Variants in MMP2 observed in about 807,000 individuals in gnomAD.
MMP2 encodes the protein 72 kDa type IV collagenase.
Under a neutral mutation model 74.8 loss-of-function variants are expected in MMP2, and 39 were observed. The ratio of observed to expected loss-of-function variants is 0.52; its 90% CI spans 0.40 to 0.68. The LOEUF is 0.68. MMP2 is among the 30% of genes least tolerant of loss of function. MMP2 has a pLI of 0.00. For missense variants in MMP2, 803 were observed against 878.3 expected, an observed-to-expected ratio of 0.91 and a Z score of 1.08; for synonymous variants, 367 against 339.8, an observed-to-expected ratio of 1.08 and a Z score of -0.88.
chr16:55,499,795 G>T (rs146771053), intron 11 of MMP2, among the ~76,000 whole-genome samples: 1 of 152,160 alleles, frequency 6.6e-6, no homozygotes, highest in South Asian at 2.1e-4. Context: ...ATACCTGCCA[G>T]TCCATTTGAT....
In MMP2 at chr16:55,505,344, A is replaced by G; in HGVS notation, c.1885A>G (p.Ser629Gly). 1 of 1,613,842 alleles carries G rather than the reference A, an allele frequency of 6.2e-7. No homozygotes were observed. Among genetic ancestry groups the G allele is most frequent in the Non-Finnish European group, 8.5e-7 (1 of 1,179,744 alleles). ...CTCTTCTTTCTCTATCCCAGGTCAC[A>G]GCTACTTCTTCAAGGGTGCCTATTA... The part of the protein sequence containing the change: ...AVVDLQGGGH[S>G]YFFKGAYYLK... Residue 629 changes from serine to glycine, a missense_variant, in exon 13 of 13, where the codon AGC becomes GGC. Ser to Gly is a moderately conservative substitution (Grantham distance 56). This residue lies in a region of MMP2 where 555 missense variants were observed against 592.0 expected (regional missense o/e 0.94). Transcript: ENST00000219070.
At position 55,485,443 on chromosome 16, in the gene MMP2, T is replaced by C; in HGVS notation, c.658+16T>C. 1 of 1,614,026 alleles carries C rather than the reference T, an allele frequency of 6.2e-7. No individual in the cohort carries two copies. Among genetic ancestry groups the C allele is most frequent in the Non-Finnish European group, 8.5e-7 (1 of 1,179,976 alleles). ...GAAGGCCAAGGTGAGAAAGGGGCCCTCTGCATGCCCCAGACCTTCTCTCCT... is the reference window on the plus strand; with the variant it reads ...GAAGGCCAAGGTGAGAAAGGGGCCCCCTGCATGCCCCAGACCTTCTCTCCT... On this transcript the variant is annotated intron_variant, in intron 4 of 12. Transcript: ENST00000219070.
In MMP2 at chr16:55,482,855, G is replaced by A. The variant is rs1030868; in HGVS notation, c.154-54G>A. On this transcript the variant is annotated intron_variant, in intron 1 of 12. Coordinates refer to ENST00000219070, the MANE Select transcript of MMP2 (RefSeq NM_004530.6). ...TGATTGCTACAGCCTGCTTTGGTCA[G>A]TACTGTGCCATCCTAATGTGGCTAA... 534,670 of 1,486,456 alleles carry A rather than the reference G, an allele frequency of 0.36. 97,100 individuals carry two copies. Among genetic ancestry groups the A allele is most frequent in the Admixed American group, 0.44 (25,809 of 58,834 alleles). The allele number at this position is 1,486,456 out of a possible 1,614,324, so 92.1% of individuals were successfully genotyped here.
chr16:55,504,059 G>T (rs1433668061), intron 12 of MMP2, among the ~76,000 whole-genome samples: 2 of 152,168 alleles, frequency 1.3e-5, no homozygotes, highest in Non-Finnish European at 2.9e-5. Context: ...TGGGGAGGGT[G>T]AGCAGAGAGG....
At chr16:55,480,840 G>T (rs1191419416) in intron 1 of MMP2, among the ~76,000 whole-genome samples, 2 of 152,160 alleles carry the variant, frequency 1.3e-5, no homozygotes, top group African/African-American at 4.8e-5. Context: ...GGATAGATGG[G>T]TTGGGAAACC....
At chr16:55,485,051 A>G (rs371613831) in intron 3 of MMP2, among the ~76,000 whole-genome samples, 45 of 152,192 alleles carry the variant, frequency 3.0e-4, no homozygotes, top group African/African-American at 1.0e-3. Flanking sequence ...AGAGTAGACA[A>G]TGGAGGTAGA....
intron 1 of MMP2, chr16:55,479,900 AG>A: frequency 2.4e-6 from 1 of 412,228 alleles, no homozygotes; most frequent in Admixed American, 4.3e-5. Context: ...AGAGTGGGAG[AG>A]GGGTGACCTG....
chr16:55,504,854 A>T (rs541523418), intron 12 of MMP2, among the ~76,000 whole-genome samples: 1 of 151,762 alleles, frequency 6.6e-6, no homozygotes, highest in Non-Finnish European at 1.5e-5. Context: ...AGGTTTCACC[A>T]TGTTAGCCAG....
intron 6 of MMP2, 153 bp downstream of exon 6, chr16:55,488,869 G>T: frequency 1.2e-6 from 1 of 813,030 alleles, no homozygotes. Context: ...TGTCCGTGTA[G>T]CTAGTCAGGA....
chr16:55,493,067 T>A (rs1286819566), intron 8 of MMP2, 91 bp from the exon 9 acceptor site: 1 of 1,520,450 alleles, frequency 6.6e-7, no homozygotes, highest in Admixed American at 1.8e-5. Flanking sequence ...CTTCTGACTC[T>A]TAGATGGTTG....
Position 55,506,454 on chromosome 16 carries a change from T to A in MMP2, c.*1012T>A, listed in dbSNP as rs1447267044. On this transcript the variant is annotated 3_prime_UTR_variant, in exon 13 of 13. Transcript: ENST00000219070. Reference sequence around the variant, plus strand: ...AGAAAGAGCCCTGAAGAATCAGCAATTTTGTTGCTTTATTGTGGCATCTGT... The same window carrying A: ...AGAAAGAGCCCTGAAGAATCAGCAAATTTGTTGCTTTATTGTGGCATCTGT... The A allele has an allele frequency of 1.3e-5, 2 of 152,212 alleles. No individual in the cohort carries two copies. Among genetic ancestry groups the A allele is most frequent in the Non-Finnish European group, 2.9e-5 (2 of 68,046 alleles). 9.4% of individuals were successfully genotyped at this position (152,212 alleles called of 1,614,324 possible).
chr16:55,478,917 T>G (rs138180497), upstream of MMP2: 1 of 152,350 alleles, frequency 6.6e-6, no homozygotes, highest in Non-Finnish European at 1.5e-5. Flanking sequence ...GAGCGACAGA[T>G]GTTTCCCAGC....
chr16:55,481,112 G>A (rs947375110), intron 1 of MMP2, among the ~76,000 whole-genome samples: 5 of 152,168 alleles, frequency 3.3e-5, no homozygotes, highest in African/African-American at 1.2e-4. Context: ...TATTAAGAAG[G>A]TAAAGGAATA....
Position 55,485,413 on chromosome 16 carries a change from T to C in MMP2, c.644T>C (p.Leu215Ser). The C allele has an allele frequency of 6.2e-7, 1 of 1,614,100 alleles. No individual in the cohort carries two copies. Among genetic ancestry groups the C allele is most frequent in the Non-Finnish European group, 8.5e-7 (1 of 1,179,996 alleles). ...SHFDDDELWT[L>S]GEGQVVRVKY... is the part of the protein sequence containing the mutation. ...TTTGATGACGATGAGCTATGGACCTTGGGAGAAGGCCAAGGTGAGAAAGGG... is the reference window on the plus strand; with the variant it reads ...TTTGATGACGATGAGCTATGGACCTCGGGAGAAGGCCAAGGTGAGAAAGGG... Residue 215 changes from leucine to serine, a missense_variant, in exon 4 of 13, where the codon TTG becomes TCG. Leu to Ser is a moderately radical substitution (Grantham distance 145). Transcript: ENST00000219070.
chr16:55,483,588 G>T (rs1420747121), intron 2 of MMP2, among the ~76,000 whole-genome samples: 1 of 152,172 alleles, frequency 6.6e-6, no homozygotes, highest in African/African-American at 2.4e-5. Flanking sequence ...GTTATAACTG[G>T]TTGCTAATTG....
intron 11 of MMP2, among the ~76,000 whole-genome samples, chr16:55,499,846 T>C (rs1218661337): frequency 6.6e-6 from 1 of 151,862 alleles, no homozygotes; most frequent in Non-Finnish European, 1.5e-5. Flanking sequence ...ACTTGTGGTG[T>C]GTCTTTCCAT....
intron 1 of MMP2, 25 bp from the exon 2 acceptor site, chr16:55,482,884 C>T: frequency 6.2e-7 from 1 of 1,601,480 alleles, no homozygotes; most frequent in Non-Finnish European, 8.6e-7. Flanking sequence ...TGGCTAATTG[C>T]CTTGGGGGTG....
chr16:55,504,065 A>G (rs1379072251), intron 12 of MMP2, among the ~76,000 whole-genome samples: 1 of 152,122 alleles, frequency 6.6e-6, no homozygotes, highest in Non-Finnish European at 1.5e-5. Flanking sequence ...GGGTGAGCAG[A>G]GAGGATCGCT....
chr16:55,490,000 G>A (rs1187791632), intron 7 of MMP2, among the ~76,000 whole-genome samples, 176 bp downstream of exon 7: 3 of 152,152 alleles, frequency 2.0e-5, no homozygotes, highest in South Asian at 2.1e-4. Context: ...GTGGAGCCAA[G>A]GTCCCTGCTT....
Sources: gnomAD v4.1 joint callset for allele counts (sites outside exome capture counted in the v4.1 genomes callset) on GRCh38, gnomAD v4.1.1 for gene constraint, gnomAD v4.1.1 regional missense constraint, MANE v1.5 for transcripts, NCBI Gene and HGNC (gene_info 2026-07-23, HGNC 2026-07-21) for gene names.